The following BEAN1 variants were observed in gnomAD, a reference collection of about 807,000 sequenced individuals.
BEAN1 encodes protein BEAN1.
A neutral mutation model predicts 17.7 loss-of-function variants in BEAN1; 17 were observed. The observed-to-expected ratio is 0.96, with a 90% CI of 0.66 to 1.44. BEAN1 has a LOEUF of 1.44. Ranked by LOEUF, BEAN1 falls within the 40% of genes most tolerant of loss-of-function variation. The probability of loss-of-function intolerance (pLI) is 0.00; values close to 1 mark genes in which losing one functional copy is unlikely to be tolerated. For synonymous variants in BEAN1, 142 were observed against 151.8 expected (o/e 0.94, Z 0.47); for missense variants, 359 against 374.1 (o/e 0.96, Z 0.33).
Position 66,480,926 on chromosome 16 carries a change from G to A in BEAN1, c.*1G>A. The A allele has an allele frequency of 6.9e-7, 1 of 1,444,310 alleles. No homozygotes were observed. The highest frequency in any genetic ancestry group is 1.5e-5 in the South Asian group (1 of 68,126). The allele number at this position is 1,444,310 out of a possible 1,614,324, so 89.5% of individuals were successfully genotyped here. On this transcript the variant is annotated 3_prime_UTR_variant, in exon 5 of 5. Coordinates refer to ENST00000536005, the MANE Select transcript of BEAN1 (RefSeq NM_001178020.3). Reference sequence around the variant, plus strand: ...CTCTGGCCCAGAGAGGATTGTGTGAGGGACCCAGCCAGCCGGGTCCTGCTG... The same window carrying A: ...CTCTGGCCCAGAGAGGATTGTGTGAAGGACCCAGCCAGCCGGGTCCTGCTG...
exon 5 of BEAN1, chr16:66,493,395 T>A (rs1402295743): frequency 1.6e-6 from 1 of 630,020 alleles, no homozygotes; most frequent in Non-Finnish European, 2.8e-6. Context: ...CCATCTGAGG[T>A]CTCAACAGCC....
At chr16:66,493,496 T>G (rs1964206397) in exon 5 of BEAN1, 6 of 600,092 alleles carry the variant, frequency 1.0e-5, no homozygotes, top group Non-Finnish European at 1.5e-5. Context: ...CCTGCCTTGC[T>G]TCAGTGACCC....
At chr16:66,461,879 G>A (rs752572314) in intron 2 of BEAN1, among the ~76,000 whole-genome samples, 11 of 152,294 alleles carry the variant, frequency 7.2e-5, no homozygotes, top group Non-Finnish European at 1.0e-4. Context: ...GTGAGAGGAC[G>A]CATGACAGAG....
chr16:66,470,163 G>T, intron 3 of BEAN1: 1 of 492,118 alleles, frequency 2.0e-6, no homozygotes, highest in Non-Finnish European at 3.6e-6. Flanking sequence ...TGGTCCATCT[G>T]GTGTCTCGAT....
chr16:66,474,601 G>A (rs1158686589), intron 3 of BEAN1, among the ~76,000 whole-genome samples: 1 of 20,656 alleles, frequency 4.8e-5, no homozygotes, highest in Non-Finnish European at 1.1e-4. Flanking sequence ...AGGGAGGGAG[G>A]GAGAGAGGGA....
intron 4 of BEAN1, among the ~76,000 whole-genome samples, chr16:66,488,518 CAAAAAAAA>C (rs35976761): frequency 8.1e-5 from 4 of 49,242 alleles, no homozygotes; most frequent in African/African-American, 2.9e-4. Context: ...TTATCACTAC[CAAAAAAAA>C]AAAAAAAAAA....
At chr16:66,468,076 C>T (rs1963322548) in intron 2 of BEAN1, among the ~76,000 whole-genome samples, 1 of 152,210 alleles carries the variant, frequency 6.6e-6, no homozygotes, top group Admixed American at 6.5e-5. Flanking sequence ...GAAAAAAGCC[C>T]TCCTACAGCT....
chr16:66,462,601 A>C (rs1963126321), intron 2 of BEAN1, among the ~76,000 whole-genome samples: 1 of 152,204 alleles, frequency 6.6e-6, no homozygotes, highest in South Asian at 2.1e-4. Flanking sequence ...CAGGAGTTCG[A>C]GACCAGCCTG....
intron 2 of BEAN1, among the ~76,000 whole-genome samples, chr16:66,447,075 G>C (rs1321966649): frequency 6.6e-6 from 1 of 152,200 alleles, no homozygotes; most frequent in African/African-American, 2.4e-5. Flanking sequence ...TTTGAGATCA[G>C]CCTGGGCAGC....
intron 2 of BEAN1, chr16:66,438,112 G>A: frequency 4.1e-6 from 1 of 245,288 alleles, no homozygotes. Context: ...TGGCCGGCGT[G>A]GTGGCTCATG....
chr16:66,483,062 A>C, downstream of BEAN1: 1 of 363,172 alleles, frequency 2.8e-6, no homozygotes, highest in Non-Finnish European at 5.3e-6. Flanking sequence ...GGGTCTCACT[A>C]TGTTGCCCAG....
intron 2 of BEAN1, among the ~76,000 whole-genome samples, chr16:66,455,632 G>A (rs370343610): frequency 1.3e-5 from 2 of 152,066 alleles, no homozygotes; most frequent in South Asian, 2.1e-4. Flanking sequence ...CCTTACCTAG[G>A]GATACTGAGA....
intron 2 of BEAN1, chr16:66,437,966 A>G: frequency 1.7e-6 from 1 of 580,352 alleles, no homozygotes; most frequent in Non-Finnish European, 3.1e-6. Context: ...CCTCTGAGGG[A>G]TGTTAATGGG....
intron 2 of BEAN1, among the ~76,000 whole-genome samples, chr16:66,439,356 C>T (rs561347470): frequency 1.4e-4 from 21 of 152,210 alleles, no homozygotes; most frequent in Non-Finnish European, 3.1e-4. Flanking sequence ...CTATTCAGGG[C>T]ACCCCAGAGC....
downstream of BEAN1, among the ~76,000 whole-genome samples, chr16:66,494,879 C>T (rs562133661): frequency 2.6e-5 from 4 of 152,322 alleles, no homozygotes; most frequent in Non-Finnish European, 4.4e-5. Context: ...CTTAGTCATT[C>T]CTCATTGGGA....
chr16:66,430,068 G>GT (rs1390139442), intron 1 of BEAN1, among the ~76,000 whole-genome samples: 3 of 152,186 alleles, frequency 2.0e-5, no homozygotes, highest in Admixed American at 2.0e-4. Flanking sequence ...GCTGAGAGCA[G>GT]TTTTTTGGAG....
At position 66,482,326 on chromosome 16, in the gene BEAN1, A is replaced by G. The variant is rs895084560; in HGVS notation, c.*1401A>G. 2.6e-5 allele frequency: 4 copies of G among 153,670 alleles called. No individual in the cohort carries two copies. Among genetic ancestry groups the G allele is most frequent in the Non-Finnish European group, 5.8e-5 (4 of 69,002 alleles). The allele number at this position is 153,670 out of a possible 1,614,324, so 9.5% of individuals were successfully genotyped here. On this transcript the variant is annotated 3_prime_UTR_variant, in exon 5 of 5. Coordinates refer to ENST00000536005, the MANE Select transcript of BEAN1 (RefSeq NM_001178020.3). ...GCTTCCCCACATTTCTGTTCCTCCA[A>G]TGAAGGGCTAAGACTATTTAGTAAT...
At chr16:66,483,127 G>A, downstream of BEAN1, 1 of 263,264 alleles carries the variant, frequency 3.8e-6, no homozygotes, top group Non-Finnish European at 7.6e-6. Context: ...TCCCGAGTAG[G>A]GTTTATACCT....
chr16:66,483,352 A>G (rs1326588421), downstream of BEAN1: 1 of 158,530 alleles, frequency 6.3e-6, no homozygotes, highest in African/African-American at 2.4e-5. Context: ...TCTCTGAGAC[A>G]TGGCTGGTGT....
Sources: allele counts gnomAD v4.1 joint callset (sites outside exome capture counted in the v4.1 genomes callset), GRCh38; gene constraint gnomAD v4.1.1; transcripts MANE v1.5; gene names NCBI Gene and HGNC (gene_info 2026-07-23, HGNC 2026-07-21).